SPINT1: variants seen among roughly 807,000 people sequenced by gnomAD.
The protein encoded by SPINT1 is serine peptidase inhibitor, Kunitz type 1.
A neutral mutation model predicts 53.7 loss-of-function variants in SPINT1; 38 were observed. The observed-to-expected ratio is 0.71, with a 90% CI of 0.55 to 0.93. The LOEUF is 0.93. Among genes scored for constraint, SPINT1 ranks in the 40% least tolerant of loss-of-function variants. The pLI is 0.00. For synonymous variants in SPINT1, 283 were observed against 280.6 expected (o/e 1.01, Z -0.08); for missense variants, 645 against 692.9 (o/e 0.93, Z 0.78).
chr15:40,850,970 T>C (rs796506209), intron 2 of SPINT1, among the ~76,000 whole-genome samples: 41 of 152,196 alleles, frequency 2.7e-4, no homozygotes, highest in African/African-American at 9.9e-4. Context: ...ACGCCACTGC[T>C]CACGGCCAGT....
At chr15:40,849,152 A>G (rs895929345) in intron 2 of SPINT1, among the ~76,000 whole-genome samples, 2 of 151,950 alleles carry the variant, frequency 1.3e-5, no homozygotes, top group Non-Finnish European at 2.9e-5. Context: ...AGGCTGAGGC[A>G]GGAGAATGGT....
At position 40,844,635 on chromosome 15, in the gene SPINT1, G is replaced by C; in HGVS notation, c.81G>C (p.Thr27=). 1 of 1,607,372 alleles carries C rather than the reference G, an allele frequency of 6.2e-7. No individual in the cohort carries two copies. The highest frequency in any genetic ancestry group is 8.5e-7 in the Non-Finnish European group (1 of 1,177,516). The change falls in exon 2 of 11, where the codon ACG becomes ACC. Residue 27 remains threonine (T), a synonymous_variant. Coordinates refer to ENST00000562057, the MANE Select transcript of SPINT1 (RefSeq NM_003710.4). The surrounding 1 kb of genome is among the most constrained non-coding windows in gnomAD (Gnocchi z 5.8). ...IPAVALWLLC[T]LGLQGTQAGP... The stretch of plus-strand genomic sequence containing the variant: ...CCGTCGCCTTGTGGCTTCTGTGCAC[G>C]CTCGGCCTCCAGGGCACCCAGGCCG...
At chr15:40,856,402 C>A in intron 10 of SPINT1, 79 bp downstream of exon 10, 1 of 1,570,800 alleles carries the variant, frequency 6.4e-7, no homozygotes. Context: ...TTGTGACAGC[C>A]TAACCTGTGT....
chr15:40,854,372 C>G, intron 6 of SPINT1, 25 bp from the exon 7 acceptor site: 1 of 1,527,028 alleles, frequency 6.5e-7, no homozygotes. Context: ...TTTGCTTGAG[C>G]CTGACCTCCC....
In SPINT1 at chr15:40,853,055, C is replaced by T. The variant is rs575604277; in HGVS notation, c.476-69C>T. The T allele has an allele frequency of 1.6e-5, 25 of 1,560,384 alleles. No individual in the cohort carries two copies. The East Asian group carries it at 3.8e-4, about 24-fold the overall frequency. ...TGGGGCCCATACTTTCACCACCCCA[C>T]TTTGCTCCTGAGAGAAGCCTGGTCC... is the stretch of plus-strand genomic sequence containing the variant. On this transcript the variant is annotated intron_variant, in intron 2 of 10. Coordinates refer to ENST00000562057, the MANE Select transcript of SPINT1 (RefSeq NM_003710.4).
intron 6 of SPINT1, 42 bp from the exon 7 acceptor site, chr15:40,854,355 C>T (rs1596153308): frequency 6.6e-7 from 1 of 1,517,744 alleles, no homozygotes; most frequent in East Asian, 2.3e-5. Context: ...GCCCTGGGCA[C>T]TTGTTCTTTG....
In SPINT1 at chr15:40,855,900, G is replaced by A. The variant is rs761836216; in HGVS notation, c.1126G>A (p.Val376Met). The change falls in exon 9 of 11, where the codon GTG becomes ATG. Residue 376 changes from valine to methionine, a missense_variant. Transcript: ENST00000562057. Reference protein sequence around the residue: ...IHFPSDKGHCVDLPDTGLCKE... With the variant: ...IHFPSDKGHCMDLPDTGLCKE... ...TACCCCATACCCCCCAGGGCACTGCGTGGACCTGCCAGACACAGGACTCTG... is the reference window on the plus strand; with the variant it reads ...TACCCCATACCCCCCAGGGCACTGCATGGACCTGCCAGACACAGGACTCTG... 5.6e-5 allele frequency: 90 copies of A among 1,614,030 alleles called. No individual in the cohort carries two copies. The highest frequency in any genetic ancestry group is 6.7e-5 in the African/African-American group (5 of 75,058).
At chr15:40,852,697 A>C (rs915761240) in intron 2 of SPINT1, among the ~76,000 whole-genome samples, 1 of 151,140 alleles carries the variant, frequency 6.6e-6, no homozygotes, top group Non-Finnish European at 1.5e-5. Flanking sequence ...TTTGTTCAGT[A>C]ATTTGCTTCA....
In SPINT1 at chr15:40,844,480, T is replaced by A; in HGVS notation, c.-65-10T>A. 6.9e-7 allele frequency: 1 copy of A among 1,446,640 alleles called. No homozygotes were observed. 89.6% of individuals were successfully genotyped at this position (1,446,640 alleles called of 1,614,324 possible). ...TGTGTCTCCTCCTCTGTCCCCTCCC[T>A]TCTTCTCAGGTCACCAGCACCCTCG... On this transcript the variant is annotated splice_polypyrimidine_tract_variant and intron_variant, in intron 1 of 10. Transcript: ENST00000562057. This position sits in a 1 kb window ranked among gnomAD's most constrained non-coding sequence, Gnocchi z 5.8.
At chr15:40,848,227 A>C (rs577260669) in intron 2 of SPINT1, among the ~76,000 whole-genome samples, 75 of 151,966 alleles carry the variant, frequency 4.9e-4, no homozygotes, top group Non-Finnish European at 6.9e-4. Flanking sequence ...TCTCTACTTC[A>C]TCAAAGAGGA....
At position 40,857,350 on chromosome 15, in the gene SPINT1, T is replaced by G; in HGVS notation, c.*375T>G. 4.1e-6 allele frequency: 1 copy of G among 246,228 alleles called. No homozygotes were observed. 15.3% of individuals were successfully genotyped at this position (246,228 alleles called of 1,614,324 possible). On this transcript the variant is annotated 3_prime_UTR_variant, in exon 11 of 11. Coordinates refer to ENST00000562057, the MANE Select transcript of SPINT1 (RefSeq NM_003710.4). Reference sequence around the variant, plus strand: ...CCAACCCTGTCCTCCCGAGCTCCTCTTCCATGCTGTGCGCCCAGGGCTGGG... The same window carrying G: ...CCAACCCTGTCCTCCCGAGCTCCTCGTCCATGCTGTGCGCCCAGGGCTGGG...
At chr15:40,854,952 AG>A (rs1212314502) in intron 8 of SPINT1, among the ~76,000 whole-genome samples, 5 of 152,238 alleles carry the variant, frequency 3.3e-5, no homozygotes, top group Admixed American at 2.6e-4. Flanking sequence ...CATATTGCTC[AG>A]ATCTTATTTA....
At chr15:40,850,123 A>G (rs926048132) in intron 2 of SPINT1, among the ~76,000 whole-genome samples, 2 of 151,788 alleles carry the variant, frequency 1.3e-5, no homozygotes, top group Non-Finnish European at 2.9e-5. Flanking sequence ...TCCAGGCTGG[A>G]GTGCAATGGC....
In SPINT1 at chr15:40,854,425, G is replaced by T. The variant is rs774993708; in HGVS notation, c.969G>T (p.Gln323His). ...GCTCTGGCACCTGTCAGCCCACCCA[G>T]TTCCGCTGCAGCAATGGCTGCTGCA... Reference protein sequence around the residue: ...PVCSGTCQPTQFRCSNGCCID... With the variant: ...PVCSGTCQPTHFRCSNGCCID... Residue 323 changes from glutamine (Q) to histidine (H), a missense_variant, in exon 7 of 11, where the codon CAG (glutamine) becomes CAT (histidine). Physicochemically the swap from Gln to His is conservative, Grantham distance 24 (BLOSUM62 0). Transcript: ENST00000562057. 1.2e-6 allele frequency: 2 copies of T among 1,610,104 alleles called. No homozygotes were observed.
At chr15:40,853,065 G>A in intron 2 of SPINT1, 59 bp from the exon 3 acceptor site, 1 of 1,573,864 alleles carries the variant, frequency 6.4e-7, no homozygotes, top group Non-Finnish European at 8.6e-7. Flanking sequence ...CTTTGCTCCT[G>A]AGAGAAGCCT....
At chr15:40,854,721 G>A in intron 8 of SPINT1, 32 bp downstream of exon 8, 1 of 1,613,224 alleles carries the variant, frequency 6.2e-7, no homozygotes, top group Non-Finnish European at 8.5e-7. Flanking sequence ...CTGGATCAGG[G>A]CAGACGCTGA....
intron 3 of SPINT1, 104 bp downstream of exon 3, chr15:40,853,355 G>A (rs774865525): frequency 1.7e-5 from 28 of 1,600,438 alleles, no homozygotes; most frequent in Non-Finnish European, 2.3e-5. Flanking sequence ...GGGATGGGGT[G>A]GAGAGAGGCT....
rs199960318 is a variant in SPINT1, at chr15:40,854,642, C to G, written c.1070C>G (p.Thr357Arg). 3 of 1,614,210 alleles carry G rather than the reference C, an allele frequency of 1.9e-6. No individual in the cohort carries two copies. The highest frequency in any genetic ancestry group is 2.5e-6 in the Non-Finnish European group (3 of 1,180,048). The change falls in exon 8 of 11, where the codon ACG (threonine) becomes AGG (arginine). Residue 357 changes from threonine (T) to arginine (R), a missense_variant. Transcript: ENST00000562057. ...CTCTGACCTTTCCTCTCTGCAGACA[C>G]GAGTGGCTTTGACGAGCTCCAGCGC... ...ASDEAACEKY[T>R]SGFDELQRIH...
rs1245626916 is a variant in SPINT1 at position 40,850,272 on chromosome 15, A to T, written c.476-2852A>T. 3.3e-5 allele frequency among the ~76,000 whole-genome samples: 5 copies of T among 152,092 alleles called. No individual in the cohort carries two copies. The South Asian group carries it at 1.0e-3, about 32-fold the overall frequency. On this transcript the variant is annotated intron_variant, in intron 2 of 10. Transcript: ENST00000562057. Reference sequence around the variant, plus strand: ...TTTTTAGTAGAGATGGAGTTTCTCCATGTTGGTCAGGGTGGTCTTGAACTC... The same window carrying T: ...TTTTTAGTAGAGATGGAGTTTCTCCTTGTTGGTCAGGGTGGTCTTGAACTC...
Sources: gnomAD v4.1 joint callset for allele counts (sites outside exome capture counted in the v4.1 genomes callset) on GRCh38, gnomAD v4.1.1 for gene constraint, Gnocchi (gnomAD v3.1) non-coding constraint, MANE v1.5 for transcripts, NCBI Gene and HGNC (gene_info 2026-07-23, HGNC 2026-07-21) for gene names.